The following COBL variants were observed in gnomAD, a reference collection of about 807,000 sequenced individuals.
COBL encodes cordon-bleu WH2 repeat protein.
A neutral mutation model predicts 98.8 loss-of-function variants in COBL; 51 were observed. The observed-to-expected ratio is 0.52, with a 90% CI of 0.41 to 0.65. The LOEUF is 0.65. Among genes scored for constraint, COBL ranks in the 30% least tolerant of loss-of-function variants. The pLI is 0.00. For missense variants in COBL, 1,617 were observed against 1,617.5 expected (o/e 1.00, Z 0.01); for synonymous variants, 634 against 651.7 (o/e 0.97, Z 0.41).
intron 11 of COBL, among the ~76,000 whole-genome samples, chr7:51,026,191 G>C (rs1018684068): frequency 6.6e-6 from 1 of 152,202 alleles, no homozygotes; most frequent in Admixed American, 6.5e-5. Context: ...CTTTTTTCCA[G>C]GTGTGCAATG....
chr7:51,223,566 CT>C (rs1380565026), intron 1 of COBL, among the ~76,000 whole-genome samples: 1 of 152,240 alleles, frequency 6.6e-6, no homozygotes, highest in Non-Finnish European at 1.5e-5. Context: ...ATATCCTCCA[CT>C]CTTCTGGCAA....
At chr7:51,202,090 C>G (rs1373062454) in intron 2 of COBL, among the ~76,000 whole-genome samples, 1 of 152,140 alleles carries the variant, frequency 6.6e-6, no homozygotes, top group Non-Finnish European at 1.5e-5. Flanking sequence ...TTCAGTCACC[C>G]TTACTTTACT....
chr7:51,281,286 A>AT (rs1799796684), intron 1 of COBL, among the ~76,000 whole-genome samples: 1 of 152,228 alleles, frequency 6.6e-6, no homozygotes, highest in Non-Finnish European at 1.5e-5. Context: ...ATGAACAGGC[A>AT]TAGGGACCTA....
chr7:51,182,436 C>T (rs1390194232), intron 5 of COBL, among the ~76,000 whole-genome samples: 1 of 152,072 alleles, frequency 6.6e-6, no homozygotes, highest in African/African-American at 2.4e-5. Flanking sequence ...TACCTGCCAC[C>T]ACACCTGGCT....
intron 1 of COBL, among the ~76,000 whole-genome samples, chr7:51,239,682 G>A (rs1304817103): frequency 6.6e-6 from 1 of 152,080 alleles, no homozygotes; most frequent in Non-Finnish European, 1.5e-5. Context: ...TTGGGGTTTG[G>A]ATCAGACCCC....
intron 8 of COBL, chr7:51,033,731 A>G (rs914080881): frequency 3.3e-5 from 5 of 152,254 alleles, no homozygotes; most frequent in Non-Finnish European, 5.9e-5. Context: ...TAAAAGGATA[A>G]TTTTGTCCTT....
rs1231072327 is a variant in COBL at position 51,316,786 on chromosome 7, A to C, written c.-153T>G. On this transcript the variant is annotated 5_prime_UTR_variant, in exon 1 of 13. Coordinates refer to ENST00000265136, the MANE Select transcript of COBL (RefSeq NM_015198.5). ...GGAGGACAGCGGCGGAGCGCGGCGG[A>C]CGGAAGGGGCTGGAATCGTCTCTAG... is the stretch of plus-strand genomic sequence containing the variant. The C allele has an allele frequency of 3.8e-6, 2 of 528,556 alleles. No individual in the cohort carries two copies. The highest frequency in any genetic ancestry group is 2.0e-5 in the African/African-American group (1 of 49,062). The allele number at this position is 528,556 out of a possible 1,614,324, so 32.7% of individuals were successfully genotyped here.
chr7:51,054,691 T>C (rs1460222744), intron 7 of COBL, among the ~76,000 whole-genome samples: 1 of 152,124 alleles, frequency 6.6e-6, no homozygotes, highest in Non-Finnish European at 1.5e-5. Flanking sequence ...GCCCCCAGCA[T>C]CTCAGCTCTC....
chr7:51,265,898 T>C (rs1798157347), intron 1 of COBL, among the ~76,000 whole-genome samples: 1 of 152,192 alleles, frequency 6.6e-6, no homozygotes, highest in African/African-American at 2.4e-5. Context: ...TCTGAATTTA[T>C]AATGAAAGTT....
At chr7:51,173,950 A>T (rs1434212056) in intron 5 of COBL, among the ~76,000 whole-genome samples, 1 of 151,988 alleles carries the variant, frequency 6.6e-6, no homozygotes, top group East Asian at 1.9e-4. Context: ...CATACCTATA[A>T]TTTTTTTTCC....
chr7:51,018,605 T>C (rs1261127503), intron 12 of COBL, among the ~76,000 whole-genome samples: 1 of 151,768 alleles, frequency 6.6e-6, no homozygotes, highest in South Asian at 2.1e-4. Context: ...TCTTAAAACA[T>C]TATGAGGGTG....
intron 5 of COBL, among the ~76,000 whole-genome samples, chr7:51,141,251 G>A (rs1799714993): frequency 6.6e-6 from 1 of 152,150 alleles, no homozygotes; most frequent in African/African-American, 2.4e-5. Context: ...CTTTTGACAT[G>A]GCTATTGAGG....
intron 1 of COBL, among the ~76,000 whole-genome samples, chr7:51,250,395 A>G (rs1796626950): frequency 6.6e-6 from 1 of 152,270 alleles, no homozygotes; most frequent in Non-Finnish European, 1.5e-5. Context: ...TGATGAAATT[A>G]AAGTTTGAAA....
chr7:51,043,236 T>G (rs1036294925), intron 8 of COBL, 147 bp downstream of exon 8: 6 of 658,534 alleles, frequency 9.1e-6, no homozygotes, highest in African/African-American at 3.6e-5. Context: ...GAGACATGCC[T>G]GAGAGCAGCT....
intron 1 of COBL, among the ~76,000 whole-genome samples, chr7:51,299,397 C>G (rs2129200200): frequency 6.6e-6 from 1 of 152,308 alleles, no homozygotes; most frequent in South Asian, 2.1e-4. Context: ...TATGGACATC[C>G]AAATTTTACC....
chr7:51,046,724 C>T (rs1286134545), intron 7 of COBL, among the ~76,000 whole-genome samples: 1 of 152,120 alleles, frequency 6.6e-6, no homozygotes, highest in African/African-American at 2.4e-5. Flanking sequence ...AGGTCCTGTC[C>T]TCCAGATCCT....
intron 5 of COBL, among the ~76,000 whole-genome samples, chr7:51,154,376 G>A (rs1223768906): frequency 6.6e-6 from 1 of 152,210 alleles, no homozygotes; most frequent in Non-Finnish European, 1.5e-5. Flanking sequence ...AAGGCACAAA[G>A]GGGCTTTGAG....
At chr7:51,030,579 C>A (rs1435432810) in intron 9 of COBL, among the ~76,000 whole-genome samples, 1 of 152,190 alleles carries the variant, frequency 6.6e-6, no homozygotes, top group Non-Finnish European at 1.5e-5. Context: ...ATTCAGAGCA[C>A]ACTGTAAGCA....
At position 51,029,289 on chromosome 7, in the gene COBL, C is replaced by T. The variant is rs200654240; in HGVS notation, c.1807G>A (p.Ala603Thr). 1.6e-4 allele frequency: 250 copies of T among 1,604,520 alleles called. 1 individual carries two copies. The Admixed American group carries it at 3.4e-3, about 22-fold the overall frequency. ...ATTCCTTTTCCGACGTCATGGGAAG[C>T]GGGGTGCAGGGCAGGTACTTCCTCC... is the stretch of plus-strand genomic sequence containing the variant. ...AREEVPALHP[A>T]SHDVGKGIRV... The change falls in exon 10 of 13, where the codon GCT becomes ACT. Residue 603 changes from alanine (A) to threonine (T), a missense_variant. Physicochemically the swap from Ala to Thr is moderately conservative, Grantham distance 58. Transcript: ENST00000265136.
Sources: gnomAD v4.1 joint callset for allele counts (sites outside exome capture counted in the v4.1 genomes callset) on GRCh38, gnomAD v4.1.1 for gene constraint, MANE v1.5 for transcripts, NCBI Gene and HGNC (gene_info 2026-07-23, HGNC 2026-07-21) for gene names.